PSD3: variants seen among roughly 807,000 people sequenced by gnomAD.
The protein encoded by PSD3 is pleckstrin and Sec7 domain containing 3, also known as PH and SEC7 domain-containing protein 3.
PSD3 carries 49 observed loss-of-function variants against 105.5 expected under a neutral mutation model. That is an observed-to-expected ratio of 0.46 (90% CI 0.37 to 0.59). The LOEUF (loss-of-function observed/expected upper bound fraction) is 0.59, where lower values mean the gene tolerates loss of function less well. Ranked by LOEUF, PSD3 falls within the 20% of genes least tolerant of loss-of-function variation. The pLI is 0.00. For synonymous variants in PSD3, 557 were observed against 457.8 expected, an observed-to-expected ratio of 1.22 and a Z score of -2.77; for missense variants, 1,561 against 1,263.8, an observed-to-expected ratio of 1.24 and a Z score of -3.57.
At chr8:18,695,335 G>C (rs980262549) in intron 9 of PSD3, among the ~76,000 whole-genome samples, 1 of 152,172 alleles carries the variant, frequency 6.6e-6, no homozygotes, top group African/African-American at 2.4e-5. Flanking sequence ...AGACATAAAA[G>C]TGCATGCATG....
intron 8 of PSD3, among the ~76,000 whole-genome samples, chr8:18,767,100 G>C (rs1441497123): frequency 6.6e-6 from 1 of 152,186 alleles, no homozygotes. Context: ...ACAGGAAAGT[G>C]TGAGACCCAT....
chr8:18,610,243 G>A (rs1169299726), intron 11 of PSD3, among the ~76,000 whole-genome samples: 2 of 152,174 alleles, frequency 1.3e-5, no homozygotes, highest in African/African-American at 4.8e-5. Flanking sequence ...GAGTCCTTGT[G>A]GATGAACTGC....
chr8:18,701,317 TG>T (rs1801570479), intron 9 of PSD3, among the ~76,000 whole-genome samples: 2 of 152,164 alleles, frequency 1.3e-5, no homozygotes, highest in Non-Finnish European at 2.9e-5. Context: ...TAGTTTTTTT[TG>T]GTCACAAGAA....
At chr8:18,650,456 T>C (rs919178637) in intron 10 of PSD3, among the ~76,000 whole-genome samples, 5 of 152,210 alleles carry the variant, frequency 3.3e-5, no homozygotes, top group Non-Finnish European at 5.9e-5. Flanking sequence ...TAATGAACAA[T>C]TGAGCAAAGG....
intron 1 of PSD3, among the ~76,000 whole-genome samples, chr8:18,973,657 C>T (rs555935685): frequency 3.3e-5 from 5 of 152,248 alleles, no homozygotes; most frequent in African/African-American, 1.2e-4. Context: ...CAAGTCAGTT[C>T]ATAACAGGAC....
At chr8:18,826,019 A>G (rs1483715857) in intron 4 of PSD3, among the ~76,000 whole-genome samples, 1 of 152,178 alleles carries the variant, frequency 6.6e-6, no homozygotes, top group Non-Finnish European at 1.5e-5. Flanking sequence ...AGTAAAGCGG[A>G]TGGCCCTCCC....
At chr8:18,943,399 G>A (rs1822676078) in intron 1 of PSD3, among the ~76,000 whole-genome samples, 1 of 152,122 alleles carries the variant, frequency 6.6e-6, no homozygotes, top group Non-Finnish European at 1.5e-5. Flanking sequence ...GCACAGTAAA[G>A]AGATTCTTCT....
chr8:18,658,965 T>A (rs1007679751), intron 9 of PSD3, among the ~76,000 whole-genome samples: 1 of 152,148 alleles, frequency 6.6e-6, no homozygotes, highest in Non-Finnish European at 1.5e-5. Context: ...TCTCTCTCAA[T>A]AGTAACAACA....
chr8:18,559,958 C>T (rs1054908820), intron 14 of PSD3, among the ~76,000 whole-genome samples: 2 of 152,158 alleles, frequency 1.3e-5, no homozygotes, highest in African/African-American at 4.8e-5. Context: ...CGAGGAAGTG[C>T]TGATGTTCAA....
chr8:18,578,383 C>T (rs180982330), intron 12 of PSD3, among the ~76,000 whole-genome samples: 9 of 152,066 alleles, frequency 5.9e-5, no homozygotes, highest in African/African-American at 2.2e-4. Context: ...CCAGTGCCAA[C>T]CTACAATTCT....
At chr8:18,761,210 T>C (rs1181234383) in intron 9 of PSD3, among the ~76,000 whole-genome samples, 1 of 152,144 alleles carries the variant, frequency 6.6e-6, no homozygotes, top group African/African-American at 2.4e-5. Context: ...CAAGATTCAT[T>C]TTCAGTCAAC....
At position 18,891,257 on chromosome 8, in the gene PSD3, G is replaced by C. The variant is rs577725628; in HGVS notation, c.131-18524C>G. On this transcript the variant is annotated intron_variant, in intron 2 of 15. Transcript: ENST00000327040. ...ATTGAATATTTAAATTTTTAGGATG[G>C]ATGAAATAATCAAATGGCTCCTTAT... is the stretch of plus-strand genomic sequence containing the variant. Among the ~76,000 whole-genome samples, 5 of 152,236 alleles carry C rather than the reference G, an allele frequency of 3.3e-5. No homozygotes were observed. The East Asian group carries it at 9.6e-4, about 29-fold the overall frequency.
At chr8:18,894,635 G>C (rs1163085842) in intron 2 of PSD3, among the ~76,000 whole-genome samples, 1 of 152,160 alleles carries the variant, frequency 6.6e-6, no homozygotes, top group Non-Finnish European at 1.5e-5. Flanking sequence ...CTGTAGATGA[G>C]ATTGTATTCT....
intron 9 of PSD3, among the ~76,000 whole-genome samples, chr8:18,742,814 G>C (rs985972454): frequency 6.6e-6 from 1 of 152,272 alleles, no homozygotes; most frequent in East Asian, 1.9e-4. Context: ...CAAAGAGCTA[G>C]TCATACCCAT....
chr8:18,947,768 G>C (rs1004213718), intron 1 of PSD3, among the ~76,000 whole-genome samples: 1 of 152,168 alleles, frequency 6.6e-6, no homozygotes, highest in Non-Finnish European at 1.5e-5. Context: ...CCTGGCCTGG[G>C]CAAGGTTCTG....
chr8:19,037,707 T>C (rs1320178108), intron 1 of PSD3, among the ~76,000 whole-genome samples: 1 of 152,132 alleles, frequency 6.6e-6, no homozygotes, highest in African/African-American at 2.4e-5. Flanking sequence ...TGGACACTGG[T>C]ACTTCTAGTT....
At chr8:18,818,614 C>T (rs964341652) in intron 4 of PSD3, among the ~76,000 whole-genome samples, 2 of 151,992 alleles carry the variant, frequency 1.3e-5, no homozygotes, top group Admixed American at 6.6e-5. Context: ...GGACAATCTG[C>T]TCTGCAAATA....
intron 4 of PSD3, among the ~76,000 whole-genome samples, chr8:18,837,280 G>T (rs913489168): frequency 2.0e-5 from 3 of 152,110 alleles, no homozygotes; most frequent in Non-Finnish European, 4.4e-5. Flanking sequence ...TAGACCAGGG[G>T]CCAGCTCTCC....
At chr8:18,560,181 C>G (rs1199724223) in intron 14 of PSD3, among the ~76,000 whole-genome samples, 1 of 148,402 alleles carries the variant, frequency 6.7e-6, no homozygotes, top group Non-Finnish European at 1.5e-5. Context: ...ATTTTACACA[C>G]ACACACACAC....
Sources: gnomAD v4.1 joint callset for allele counts (sites outside exome capture counted in the v4.1 genomes callset) on GRCh38, gnomAD v4.1.1 for gene constraint, MANE v1.5 for transcripts, NCBI Gene and HGNC (gene_info 2026-07-23, HGNC 2026-07-21) for gene names.